Variants in SDHB observed in about 807,000 individuals in gnomAD.
SDHB encodes the protein succinate dehydrogenase complex iron sulfur subunit B.
Under a neutral mutation model 39.7 loss-of-function variants are expected in SDHB, and 21 were observed. The ratio of observed to expected loss-of-function variants is 0.53; its 90% confidence interval spans 0.37 to 0.76. The LOEUF (loss-of-function observed/expected upper bound fraction) is 0.76. SDHB is among the 30% of genes least tolerant of loss of function. The pLI is 0.00. For missense variants in SDHB, 343 were observed against 350.9 expected (o/e 0.98, Z 0.18); for synonymous variants, 118 against 117.0 (o/e 1.01, Z -0.06).
chr1:17,041,444 T>G (rs1308753752), intron 2 of SDHB, among the ~76,000 whole-genome samples: 3 of 152,050 alleles, frequency 2.0e-5, no homozygotes, highest in Non-Finnish European at 4.4e-5. Flanking sequence ...CTGAGGTGGG[T>G]GGATCACCTG....
chr1:17,049,652 T>C (rs2078134327), intron 1 of SDHB, among the ~76,000 whole-genome samples: 1 of 52,496 alleles, frequency 1.9e-5, no homozygotes, highest in East Asian at 4.2e-4. Context: ...TAGTTCTTTT[T>C]TTTTTTTTTT....
rs864321636 is a variant in SDHB, at chr1:17,028,685, C to T, written c.338G>A (p.Cys113Tyr). The T allele has an allele frequency of 1.2e-6, 2 of 1,614,162 alleles. No individual in the cohort carries two copies. Among genetic ancestry groups the T allele is most frequent in the Non-Finnish European group, 1.7e-6 (2 of 1,180,024 alleles). Residue 113 changes from cysteine (C) to tyrosine (Y), a missense_variant, in exon 4 of 8, where the codon TGC becomes TAC. Coordinates refer to ENST00000375499, the MANE Select transcript of SDHB (RefSeq NM_003000.3). Reference protein sequence around the residue: ...MNINGGNTLACTRRIDTNLNK... With the variant: ...MNINGGNTLAYTRRIDTNLNK... ...GAGGTTGGTGTCAATCCTTCGGGTG[C>T]AAGCTAGAGTGTTGCCTCCATTGAT...
Position 17,054,010 on chromosome 1 carries a change from C to A in SDHB, c.10G>T (p.Val4Leu). Residue 4 changes from valine (V) to leucine (L), a missense_variant, in exon 1 of 8, where the codon GTG becomes TTG. Physicochemically the swap from Val to Leu is conservative, Grantham distance 32. Coordinates refer to ENST00000375499, the MANE Select transcript of SDHB (RefSeq NM_003000.3). ...CGGCGCCTCAAGGAGAGGGCGACCA[C>A]CGCCGCCATCTTGGCTCCTGACGTC... MAAVVALSLRRRLP... is the reference protein window; with the variant it reads MAALVALSLRRRLP... 1 of 1,610,918 alleles carries A rather than the reference C, an allele frequency of 6.2e-7. No homozygotes were observed. The highest frequency in any genetic ancestry group is 8.5e-7 in the Non-Finnish European group (1 of 1,178,496).
intron 3 of SDHB, among the ~76,000 whole-genome samples, chr1:17,031,368 A>G (rs1487771178): frequency 6.6e-6 from 1 of 152,180 alleles, no homozygotes; most frequent in Non-Finnish European, 1.5e-5. Flanking sequence ...TAAAAAAAAA[A>G]TAAGAAAAAC....
At chr1:17,022,419 A>C (rs1197927940) in intron 7 of SDHB, among the ~76,000 whole-genome samples, 189 bp downstream of exon 7, 1 of 152,160 alleles carries the variant, frequency 6.6e-6, no homozygotes, top group Non-Finnish European at 1.5e-5. Flanking sequence ...AGGTGGCCCG[A>C]GTCAGTCTAC....
chr1:17,047,655 C>T (rs1347160280), intron 1 of SDHB, among the ~76,000 whole-genome samples: 1 of 150,452 alleles, frequency 6.6e-6, no homozygotes, highest in Non-Finnish European at 1.5e-5. Context: ...TGTATACCAC[C>T]CTGGGTGACA....
chr1:17,043,186 C>T (rs928947751), intron 2 of SDHB, among the ~76,000 whole-genome samples: 2 of 151,978 alleles, frequency 1.3e-5, no homozygotes, highest in African/African-American at 4.8e-5. Context: ...GTCTTGAATG[C>T]CTGACCCCGA....
chr1:17,041,737 G>A (rs2078081253), intron 2 of SDHB, among the ~76,000 whole-genome samples: 2 of 152,256 alleles, frequency 1.3e-5, no homozygotes, highest in South Asian at 4.1e-4. Flanking sequence ...ATGTTTTTCT[G>A]AAAAGTGTGG....
At position 17,022,596 on chromosome 1, in the gene SDHB, A is replaced by G. The variant is rs746277655; in HGVS notation, c.765+12T>C. ...CTCTGAGGCAGAGCTGAGGGTCACC[A>G]GCCCCACGTACCTTAGGACAGGTCC... On this transcript the variant is annotated intron_variant, in intron 7 of 7. Coordinates refer to ENST00000375499, the MANE Select transcript of SDHB (RefSeq NM_003000.3). 1 of 1,613,610 alleles carries G rather than the reference A, an allele frequency of 6.2e-7. No individual in the cohort carries two copies. Among genetic ancestry groups the G allele is most frequent in the East Asian group, 2.2e-5 (1 of 44,856 alleles).
intron 1 of SDHB, among the ~76,000 whole-genome samples, chr1:17,049,361 G>A (rs1386029849): frequency 6.6e-6 from 1 of 151,860 alleles, no homozygotes; most frequent in Non-Finnish European, 1.5e-5. Flanking sequence ...GCAGTGGCGC[G>A]ATCTTGGATC....
In SDHB at chr1:17,022,661, A is replaced by G; in HGVS notation, c.712T>C (p.Phe238Leu). 1 of 1,614,008 alleles carries G rather than the reference A, an allele frequency of 6.2e-7. No homozygotes were observed. Reference protein sequence around the residue: ...EERLAKLQDPFSLYRCHTIMN... With the variant: ...EERLAKLQDPLSLYRCHTIMN... Reference sequence around the variant, plus strand: ...ATGGTGTGGCAGCGGTATAGAGAGAATGGGTCCTGCAGCTTGGCCAGGCGC... The same window carrying G: ...ATGGTGTGGCAGCGGTATAGAGAGAGTGGGTCCTGCAGCTTGGCCAGGCGC... The change falls in exon 7 of 8, where the codon TTC (phenylalanine) becomes CTC (leucine). Residue 238 changes from phenylalanine to leucine, a missense_variant. Coordinates refer to ENST00000375499, the MANE Select transcript of SDHB (RefSeq NM_003000.3).
rs587782703 is a variant in SDHB at position 17,053,947 on chromosome 1, C to A, written c.72+1G>T. ...TCCCTCTCTGAGGCTCCAGGACTCA[C>A]CTGCAGGCAGGCTCCGCCAAGGGTT... On this transcript the variant is annotated splice_donor_variant, in intron 1 of 7. Transcript: ENST00000375499. LOFTEE classifies it high-confidence loss of function. The A allele has an allele frequency of 1.4e-5, 23 of 1,612,144 alleles. No homozygotes were observed. The highest frequency in any genetic ancestry group is 2.0e-5 in the Non-Finnish European group (23 of 1,178,916).
At chr1:17,033,432 T>A (rs984123856) in intron 2 of SDHB, among the ~76,000 whole-genome samples, 20 of 152,376 alleles carry the variant, frequency 1.3e-4, no homozygotes, top group African/African-American at 4.8e-4. Context: ...TTTTGTTTTT[T>A]ACTTCTGAAG....
intron 1 of SDHB, among the ~76,000 whole-genome samples, chr1:17,047,696 A>G (rs531644131): frequency 9.2e-4 from 140 of 151,412 alleles, no homozygotes; most frequent in African/African-American, 3.1e-3. Context: ...AAAAAAAAAA[A>G]AGAGAGAGAG....
At chr1:17,022,328 G>A (rs1239162795) in intron 7 of SDHB, among the ~76,000 whole-genome samples, 4 of 152,148 alleles carry the variant, frequency 2.6e-5, no homozygotes, top group Non-Finnish European at 5.9e-5. Flanking sequence ...AAGGTTGAAC[G>A]CAGGTACCTG....
At chr1:17,042,738 A>G (rs1227308170) in intron 2 of SDHB, among the ~76,000 whole-genome samples, 2 of 151,700 alleles carry the variant, frequency 1.3e-5, no homozygotes, top group Non-Finnish European at 2.9e-5. Context: ...TGAGCATGCC[A>G]TTGCACTGTA....
At chr1:17,033,775 A>G (rs1359440506) in intron 2 of SDHB, among the ~76,000 whole-genome samples, 1 of 152,254 alleles carries the variant, frequency 6.6e-6, no homozygotes, top group Non-Finnish European at 1.5e-5. Context: ...CATTTAATCC[A>G]CTGAGTGCAG....
At position 17,022,653 on chromosome 1, in the gene SDHB, T is replaced by C. The variant is rs759446340; in HGVS notation, c.720A>G (p.Leu240=). Residue 240 remains leucine (L), a synonymous_variant, in exon 7 of 8, where the codon CTA becomes CTG. Coordinates refer to ENST00000375499, the MANE Select transcript of SDHB (RefSeq NM_003000.3). The part of the protein sequence containing the change: ...RLAKLQDPFS[L]YRCHTIMNCT... The stretch of plus-strand genomic sequence containing the variant: ...AGTTCATGATGGTGTGGCAGCGGTA[T>C]AGAGAGAATGGGTCCTGCAGCTTGG... 7 of 1,614,026 alleles carry C rather than the reference T, an allele frequency of 4.3e-6. No individual in the cohort carries two copies. Among genetic ancestry groups the C allele is most frequent in the South Asian group, 1.1e-5 (1 of 91,076 alleles).
chr1:17,028,386 C>A lies in SDHB; in HGVS notation c.423+214G>T, dbSNP rs868585932. On this transcript the variant is annotated intron_variant, in intron 4 of 7. Coordinates refer to ENST00000375499, the MANE Select transcript of SDHB (RefSeq NM_003000.3). The stretch of plus-strand genomic sequence containing the variant: ...ATTCTTTAATTAAACTCTGGCCACA[C>A]TGTCTCAGATCTGGAGATTTTCCTA... 2.0e-5 allele frequency among the ~76,000 whole-genome samples: 3 copies of A among 152,340 alleles called. No individual in the cohort carries two copies. The South Asian group carries it at 6.2e-4, about 32-fold the overall frequency.
Sources: allele counts gnomAD v4.1 joint callset (sites outside exome capture counted in the v4.1 genomes callset), GRCh38; gene constraint gnomAD v4.1.1; transcripts MANE v1.5; gene names NCBI Gene and HGNC (gene_info 2026-07-23, HGNC 2026-07-21).